RFC1: variants seen among roughly 807,000 people sequenced by gnomAD.
RFC1 encodes A1 140 kDa subunit.
In RFC1, 37 loss-of-function variants were observed where a neutral mutation model predicts 137.4. The ratio of observed to expected loss-of-function variants is 0.27; its 90% CI spans 0.21 to 0.35. The LOEUF is 0.35. RFC1 is among the 10% of genes least tolerant of loss of function. The pLI is 1.00. For missense variants in RFC1, 1,205 were observed against 1,358.5 expected (o/e 0.89, Z 1.78); for synonymous variants, 429 against 455.7 (o/e 0.94, Z 0.75).
intron 13 of RFC1, among the ~76,000 whole-genome samples, chr4:39,307,928 TG>T (rs578147225): frequency 5.4e-4 from 83 of 152,314 alleles, no homozygotes; most frequent in African/African-American, 2.0e-3. Flanking sequence ...TGGTCTATGT[TG>T]AAAACACTAC....
At chr4:39,300,208 C>A in intron 20 of RFC1, 52 bp downstream of exon 20, 2 of 1,611,878 alleles carry the variant, frequency 1.2e-6, no homozygotes, top group Admixed American at 1.7e-5. Flanking sequence ...GGGTATTTAG[C>A]CTTCGCAGTG....
chr4:39,362,552 C>A (rs900015867), intron 1 of RFC1, among the ~76,000 whole-genome samples: 59 of 152,122 alleles, frequency 3.9e-4, no homozygotes, highest in African/African-American at 1.3e-3. Flanking sequence ...AGAGTCTTTT[C>A]AAAAAATGGT....
intron 1 of RFC1, among the ~76,000 whole-genome samples, chr4:39,358,014 C>T (rs1293105230): frequency 6.6e-6 from 1 of 152,108 alleles, no homozygotes; most frequent in Non-Finnish European, 1.5e-5. Context: ...GTGGCTCACA[C>T]CTGTAATCCC....
Position 39,344,659 on chromosome 4 carries a change from C to T in RFC1, c.208+742G>A, listed in dbSNP as rs542495989. 2.3e-4 allele frequency among the ~76,000 whole-genome samples: 35 copies of T among 152,252 alleles called. No individual in the cohort carries two copies. In the East Asian group the frequency reaches 4.4e-3, roughly 19 times the overall value. Reference sequence around the variant, plus strand: ...AAAATTAGCTAGATGTGGTGCTGCACGCCTGTGGTTCCAGCTACAGGTGGC... The same window carrying T: ...AAAATTAGCTAGATGTGGTGCTGCATGCCTGTGGTTCCAGCTACAGGTGGC... On this transcript the variant is annotated intron_variant, in intron 3 of 24. Transcript: ENST00000349703.
intron 4 of RFC1, among the ~76,000 whole-genome samples, chr4:39,334,849 T>C (rs1291336591): frequency 1.3e-5 from 2 of 152,186 alleles, no homozygotes. Context: ...ATTATCACAT[T>C]ATCCTACACA....
chr4:39,336,164 CAA>C (rs1355712054), intron 4 of RFC1, among the ~76,000 whole-genome samples: 1 of 151,968 alleles, frequency 6.6e-6, no homozygotes, highest in Non-Finnish European at 1.5e-5. Flanking sequence ...AACAAATTAC[CAA>C]AAAAGATTAT....
At chr4:39,307,054 G>A (rs1279224165) in intron 13 of RFC1, among the ~76,000 whole-genome samples, 1 of 152,108 alleles carries the variant, frequency 6.6e-6, no homozygotes, top group Non-Finnish European at 1.5e-5. Flanking sequence ...CACCAGCCGT[G>A]GGTACTTTAG....
rs1423371394 is a variant in RFC1 at position 39,323,361 on chromosome 4, A to T, written c.699T>A (p.Asp233Glu). The T allele has an allele frequency of 1.5e-5, 24 of 1,614,088 alleles. No homozygotes were observed. Among genetic ancestry groups the T allele is most frequent in the Non-Finnish European group, 1.9e-5 (23 of 1,179,972 alleles). ...EEFARTLAMLDEEPKTKKARK... is the reference protein window; with the variant it reads ...EEFARTLAMLEEEPKTKKARK... ...CCACCTTTTTGGTCTTGGGTTCTTC[A>T]TCCAACATGGCTAATGTTCTGGCAA... The change falls in exon 7 of 25, where the codon GAT becomes GAA. Residue 233 changes from aspartate (D) to glutamate (E), a missense_variant. By Grantham distance (45) the Asp-to-Glu change is conservative (BLOSUM62 2). Around this residue, in one of 3 missense-constraint regions of RFC1, gnomAD observed 962 missense variants for 1,035.3 expected, o/e 0.93. Coordinates refer to ENST00000349703, the MANE Select transcript of RFC1 (RefSeq NM_002913.5).
Position 39,302,967 on chromosome 4 carries a change from A to G in RFC1, c.2202+93T>C, listed in dbSNP as rs1009796726. On this transcript the variant is annotated intron_variant, in intron 16 of 24. Transcript: ENST00000349703. ...AGGTTCTAAAAATCTCCTCAGCAAC[A>G]TGCCTTAACTGCCCTAAGTATGAGA... is the stretch of plus-strand genomic sequence containing the variant. 2.0e-5 allele frequency: 29 copies of G among 1,452,988 alleles called. No individual in the cohort carries two copies. In the African/African-American group the frequency reaches 3.1e-4, roughly 15 times the overall value. 90.0% of individuals were successfully genotyped at this position (1,452,988 alleles called of 1,614,324 possible).
chr4:39,315,969 G>A (rs1388589333), intron 10 of RFC1, among the ~76,000 whole-genome samples: 3 of 152,274 alleles, frequency 2.0e-5, no homozygotes, highest in South Asian at 2.1e-4. Flanking sequence ...AGTGGCTCAC[G>A]CCTGTAATCC....
At position 39,342,334 on chromosome 4, in the gene RFC1, T is replaced by C. The variant is rs1226137853; in HGVS notation, c.331+11A>G. 1 of 1,610,148 alleles carries C rather than the reference T, an allele frequency of 6.2e-7. No individual in the cohort carries two copies. The highest frequency in any genetic ancestry group is 2.2e-5 in the East Asian group (1 of 44,696). On this transcript the variant is annotated intron_variant, in intron 4 of 24. Coordinates refer to ENST00000349703, the MANE Select transcript of RFC1 (RefSeq NM_002913.5). ...ACACACGGCATCTCATATACCACAATGCAACCTTACCTGTTTCTGAAATGT... is the reference window on the plus strand; with the variant it reads ...ACACACGGCATCTCATATACCACAACGCAACCTTACCTGTTTCTGAAATGT...
At chr4:39,299,420 C>T (rs975489107) in intron 21 of RFC1, among the ~76,000 whole-genome samples, 1 of 151,744 alleles carries the variant, frequency 6.6e-6, no homozygotes, top group Non-Finnish European at 1.5e-5. Context: ...GAGCTGGTCT[C>T]GGCAAACACA....
At chr4:39,341,492 G>T in intron 4 of RFC1, 1 of 404,906 alleles carries the variant, frequency 2.5e-6, no homozygotes, top group Admixed American at 3.0e-5. Context: ...CTTACTTTTT[G>T]TCTTTGATAT....
chr4:39,292,737 G>A (rs1737754655), intron 22 of RFC1, among the ~76,000 whole-genome samples: 1 of 151,568 alleles, frequency 6.6e-6, no homozygotes, highest in African/African-American at 2.4e-5. Flanking sequence ...CACCTCCCGG[G>A]TTCAGGAGGT....
At chr4:39,362,987 C>T (rs1398738999) in intron 1 of RFC1, among the ~76,000 whole-genome samples, 2 of 152,188 alleles carry the variant, frequency 1.3e-5, no homozygotes, top group Non-Finnish European at 1.5e-5. Flanking sequence ...ACATAGTAAA[C>T]CATGATGTGA....
intron 20 of RFC1, 52 bp downstream of exon 20, chr4:39,300,208 C>G: frequency 3.7e-6 from 6 of 1,611,880 alleles, no homozygotes; most frequent in Admixed American, 3.3e-5. Flanking sequence ...GGGTATTTAG[C>G]CTTCGCAGTG....
Position 39,312,735 on chromosome 4 carries a change from AACAAAGC to A in RFC1, c.1383+10_1383+16del. ...AGGCAGGAGGTGTCATGGTGTTGAG[AACAAAGC>A]AGTACCCACCTTATCACTCTTGGAC... is the stretch of plus-strand genomic sequence containing the variant. On this transcript the variant is annotated intron_variant, in intron 11 of 24. Coordinates refer to ENST00000349703, the MANE Select transcript of RFC1 (RefSeq NM_002913.5). The A allele has an allele frequency of 6.2e-7, 1 of 1,609,120 alleles. No individual in the cohort carries two copies. Among genetic ancestry groups the A allele is most frequent in the Admixed American group, 1.7e-5 (1 of 59,886 alleles).
At chr4:39,315,510 CTTCTG>C (rs1739195087) in intron 10 of RFC1, among the ~76,000 whole-genome samples, 1 of 152,224 alleles carries the variant, frequency 6.6e-6, no homozygotes, top group Non-Finnish European at 1.5e-5. Flanking sequence ...CTAGTTCTGA[CTTCTG>C]TTCTAAGCTC....
intron 5 of RFC1, 79 bp downstream of exon 5, chr4:39,327,445 C>T: frequency 1.3e-6 from 1 of 795,016 alleles, no homozygotes; most frequent in Non-Finnish European, 1.9e-6. Context: ...TGCCTATTTA[C>T]TACATCCTAG....
Sources: allele counts gnomAD v4.1 joint callset (sites outside exome capture counted in the v4.1 genomes callset), GRCh38; gene constraint gnomAD v4.1.1; regional missense constraint gnomAD v4.1.1; transcripts MANE v1.5; gene names NCBI Gene and HGNC (gene_info 2026-07-23, HGNC 2026-07-21).